Variants in SWT1 observed in about 807,000 individuals in gnomAD.
SWT1 encodes SWT1 RNA endoribonuclease homolog, also known as transcriptional protein SWT1.
SWT1 carries 33 observed loss-of-function variants against 107.3 expected under a neutral mutation model. The observed-to-expected ratio is 0.31, with a 90% CI of 0.23 to 0.41. The LOEUF is 0.41. Ranked by LOEUF, SWT1 falls within the 10% of genes least tolerant of loss-of-function variation. SWT1 has a pLI of 1.00. For missense variants in SWT1, 898 were observed against 1,028.9 expected (o/e 0.87, Z 1.74); for synonymous variants, 345 against 348.3 (o/e 0.99, Z 0.11).
In SWT1 at chr1:185,194,571, T is replaced by TAA. The variant is rs76055570; in HGVS notation, c.1523+3940_1523+3941dup. ...ATTGTCCCATAGCTCTTGGATACTT[T>TAA]AAAAAAAAAAAAGTCTTTTATTATC... On this transcript the variant is annotated intron_variant, in intron 10 of 18. Coordinates refer to ENST00000367500, the MANE Select transcript of SWT1 (RefSeq NM_017673.7). 5.9e-3 allele frequency among the ~76,000 whole-genome samples: 858 copies of TAA among 145,700 alleles called. 30 individuals are homozygous for TAA. The East Asian group carries it at 0.095, about 16-fold the overall frequency.
intron 16 of SWT1, among the ~76,000 whole-genome samples, chr1:185,249,616 G>C (rs1388331577): frequency 6.6e-6 from 1 of 152,134 alleles, no homozygotes. Context: ...GGGAAGTGCT[G>C]TGAACTAAAG....
intron 16 of SWT1, among the ~76,000 whole-genome samples, chr1:185,254,283 G>T (rs1245969753): frequency 7.8e-6 from 1 of 127,886 alleles, no homozygotes; most frequent in African/African-American, 3.3e-5. Flanking sequence ...TCAGAATGAT[G>T]CTGGCCTCAT....
chr1:185,172,230 G>A (rs1300619758), intron 4 of SWT1, among the ~76,000 whole-genome samples: 2 of 152,116 alleles, frequency 1.3e-5, no homozygotes, highest in Non-Finnish European at 2.9e-5. Context: ...TATTAAGCAG[G>A]AAAATATAAT....
chr1:185,200,853 C>A (rs146685014), intron 10 of SWT1, among the ~76,000 whole-genome samples: 1 of 152,154 alleles, frequency 6.6e-6, no homozygotes, highest in African/African-American at 2.4e-5. Context: ...TGCCCACAGC[C>A]GCAGCTTCCC....
intron 5 of SWT1, among the ~76,000 whole-genome samples, chr1:185,177,268 AT>A (rs1655650519): frequency 6.6e-6 from 1 of 152,186 alleles, no homozygotes; most frequent in African/African-American, 2.4e-5. Context: ...AGTGATCATC[AT>A]TGTGTCATTG....
chr1:185,168,970 T>C (rs1571399039), intron 4 of SWT1, among the ~76,000 whole-genome samples: 2 of 152,312 alleles, frequency 1.3e-5, no homozygotes, highest in Non-Finnish European at 1.5e-5. Context: ...TACAAAGTTA[T>C]AACGTGTGAT....
At chr1:185,215,974 C>CT (rs201815376) in intron 14 of SWT1, among the ~76,000 whole-genome samples, 1,761 of 152,150 alleles carry the variant, frequency 0.012, 24 homozygotes, top group African/African-American at 0.041. Context: ...TCTTTTTTCT[C>CT]TGAGGAACTG....
intron 16 of SWT1, among the ~76,000 whole-genome samples, chr1:185,237,741 T>C (rs902891646): frequency 6.6e-6 from 1 of 152,122 alleles, no homozygotes; most frequent in African/African-American, 2.4e-5. Flanking sequence ...GGCCCTACCT[T>C]AATCCTATTA....
At chr1:185,205,422 G>C (rs1438524252) in intron 12 of SWT1, among the ~76,000 whole-genome samples, 1 of 152,188 alleles carries the variant, frequency 6.6e-6, no homozygotes, top group African/African-American at 2.4e-5. Flanking sequence ...AGGCTTGAGT[G>C]CAATGGCATG....
intron 18 of SWT1, among the ~76,000 whole-genome samples, chr1:185,282,984 T>A (rs1002528260): frequency 6.6e-6 from 1 of 152,128 alleles, no homozygotes; most frequent in African/African-American, 2.4e-5. Context: ...ACATTTTACT[T>A]ATATTTACCC....
chr1:185,221,050 GACACACACACAC>G (rs59643566), intron 14 of SWT1, among the ~76,000 whole-genome samples: 9 of 149,750 alleles, frequency 6.0e-5, no homozygotes, highest in East Asian at 2.0e-4. Flanking sequence ...CGTGCACACA[GACACACACACAC>G]ACACACACAC....
At chr1:185,169,592 A>C (rs1320290808) in intron 4 of SWT1, among the ~76,000 whole-genome samples, 1 of 152,132 alleles carries the variant, frequency 6.6e-6, no homozygotes, top group Non-Finnish European at 1.5e-5. Flanking sequence ...ATGTATTAGC[A>C]GTAAAAATAT....
chr1:185,230,504 G>A (rs974510989), intron 15 of SWT1, among the ~76,000 whole-genome samples: 1 of 152,046 alleles, frequency 6.6e-6, no homozygotes, highest in South Asian at 2.1e-4. Flanking sequence ...AATCCAGCAT[G>A]ACCTCATTTT....
chr1:185,179,744 T>G (rs752711203), intron 5 of SWT1, among the ~76,000 whole-genome samples: 2 of 152,196 alleles, frequency 1.3e-5, no homozygotes, highest in Non-Finnish European at 2.9e-5. Context: ...GAATATAGTA[T>G]TTTTATGCAT....
chr1:185,251,554 T>C (rs1376312896), intron 16 of SWT1: 1 of 152,188 alleles, frequency 6.6e-6, no homozygotes, highest in Non-Finnish European at 1.5e-5. Flanking sequence ...AATTTTTCTT[T>C]GCATATTTTG....
intron 12 of SWT1, 92 bp downstream of exon 12, chr1:185,204,955 C>T (rs752847099): frequency 3.1e-5 from 21 of 673,384 alleles, no homozygotes; most frequent in Non-Finnish European, 4.6e-5. Context: ...AATGCATACG[C>T]TTCATTGAAT....
At chr1:185,276,700 T>C (rs2102753516) in intron 18 of SWT1, 32 bp downstream of exon 18, 3 of 1,261,596 alleles carry the variant, frequency 2.4e-6, no homozygotes, top group South Asian at 2.9e-5. Context: ...ATATAAACCA[T>C]TGTAACAAGC....
In SWT1 at chr1:185,175,004, A is replaced by G. The variant is rs780361503; in HGVS notation, c.857A>G (p.His286Arg). The change falls in exon 5 of 19, where the codon CAT becomes CGT. Residue 286 changes from histidine to arginine, a missense_variant. Physicochemically the swap from His to Arg is conservative, Grantham distance 29. This residue lies in a region of SWT1 where 382 missense variants were observed against 362.4 expected (regional missense o/e 1.05). Coordinates refer to ENST00000367500, the MANE Select transcript of SWT1 (RefSeq NM_017673.7). ...AATGTGACTAGGCAGAAAACTGAAC[A>G]TTTACTTTCAGATTTTACATATAAG... ...SLNVTRQKTEHLLSDFTYKRT... is the reference protein window; with the variant it reads ...SLNVTRQKTERLLSDFTYKRT... The G allele has an allele frequency of 3.1e-5, 50 of 1,613,712 alleles. No individual in the cohort carries two copies. The highest frequency in any genetic ancestry group is 4.0e-5 in the Non-Finnish European group (47 of 1,179,946).
At chr1:185,187,615 G>A (rs1656604614) in intron 9 of SWT1, among the ~76,000 whole-genome samples, 1 of 152,084 alleles carries the variant, frequency 6.6e-6, no homozygotes, top group Non-Finnish European at 1.5e-5. Context: ...GATTTATATA[G>A]AATTTATTTA....
Sources: allele counts gnomAD v4.1 joint callset (sites outside exome capture counted in the v4.1 genomes callset), GRCh38; gene constraint gnomAD v4.1.1; regional missense constraint gnomAD v4.1.1; transcripts MANE v1.5; gene names NCBI Gene and HGNC (gene_info 2026-07-23, HGNC 2026-07-21).